Variants in FRMD5 observed in about 807,000 individuals in gnomAD.
FRMD5 encodes FERM domain-containing protein 5.
FRMD5 carries 20 observed loss-of-function variants against 69.0 expected under a neutral mutation model. The ratio of observed to expected loss-of-function variants is 0.29; its 90% CI spans 0.20 to 0.42. The LOEUF (loss-of-function observed/expected upper bound fraction) is 0.42, where lower values mean the gene tolerates loss of function less well. Ranked by LOEUF, FRMD5 falls within the 10% of genes least tolerant of loss-of-function variation. The probability of loss-of-function intolerance (pLI) is 1.00; values close to 1 mark genes in which losing one functional copy is unlikely to be tolerated. For synonymous variants in FRMD5, 271 were observed against 260.1 expected (o/e 1.04, Z -0.40); for missense variants, 595 against 708.6 (o/e 0.84, Z 1.82).
chr15:44,109,070 C>T (rs571741674), intron 1 of FRMD5, among the ~76,000 whole-genome samples: 2 of 152,050 alleles, frequency 1.3e-5, no homozygotes, highest in African/African-American at 4.8e-5. Context: ...TAGTGCCCGG[C>T]CCATAATATG....
intron 1 of FRMD5, among the ~76,000 whole-genome samples, chr15:44,040,992 C>CAAAAAAAAAAAA (rs71421819): frequency 5.7e-5 from 1 of 17,500 alleles, no homozygotes; most frequent in Non-Finnish European, 1.2e-4. Flanking sequence ...AAATGGAAAG[C>CAAAAAAAAAAAA]AAAAAAAAAA....
intron 13 of FRMD5, among the ~76,000 whole-genome samples, chr15:43,875,656 TGAGTA>T (rs1314119560): frequency 2.6e-5 from 4 of 151,726 alleles, no homozygotes; most frequent in Admixed American, 6.6e-5. Context: ...TTTTTTATTT[TGAGTA>T]GAGACGGGGT....
intron 8 of FRMD5, among the ~76,000 whole-genome samples, chr15:43,890,240 G>T (rs1247598136): frequency 1.3e-5 from 2 of 152,188 alleles, no homozygotes; most frequent in Non-Finnish European, 2.9e-5. Flanking sequence ...GGAAAGTAAG[G>T]AGTTTTATTT....
At position 44,079,081 on chromosome 15, in the gene FRMD5, T is replaced by A. The variant is rs185661663; in HGVS notation, c.102+115872A>T. ...TCCTATAACCCAATAACAAAAAACATCCCAATTAAAAAATAGGTAAAGGAC... is the reference window on the plus strand; with the variant it reads ...TCCTATAACCCAATAACAAAAAACAACCCAATTAAAAAATAGGTAAAGGAC... On this transcript the variant is annotated intron_variant, in intron 1 of 13. Transcript: ENST00000417257. Among the ~76,000 whole-genome samples the A allele has an allele frequency of 2.7e-4, 41 of 151,952 alleles. No homozygotes were observed. The East Asian group carries it at 7.7e-3, about 29-fold the overall frequency.
At chr15:44,095,278 C>T (rs2076535592) in intron 1 of FRMD5, among the ~76,000 whole-genome samples, 1 of 151,774 alleles carries the variant, frequency 6.6e-6, no homozygotes, top group South Asian at 2.1e-4. Flanking sequence ...CTGTGGTTCA[C>T]TGCACCCTCA....
chr15:44,044,226 A>G (rs1447426432), intron 1 of FRMD5, among the ~76,000 whole-genome samples: 1 of 152,222 alleles, frequency 6.6e-6, no homozygotes, highest in African/African-American at 2.4e-5. Flanking sequence ...ATGAGATACC[A>G]TCTCATGCCA....
chr15:43,980,379 T>G (rs1248022520), intron 1 of FRMD5, among the ~76,000 whole-genome samples: 1 of 152,236 alleles, frequency 6.6e-6, no homozygotes, highest in Non-Finnish European at 1.5e-5. Flanking sequence ...AAGTTAGTAC[T>G]AGGGAAAATA....
At chr15:43,878,281 ACAT>A (rs1476979943) in intron 13 of FRMD5, among the ~76,000 whole-genome samples, 1 of 152,152 alleles carries the variant, frequency 6.6e-6, no homozygotes, top group African/African-American at 2.4e-5. Flanking sequence ...GTTTAATTGT[ACAT>A]CATTTTGCTT....
chr15:43,871,420 C>G lies in FRMD5; in HGVS notation c.*2465G>C, dbSNP rs1321898270. ...AGGTCAGAGTTGAGGCTATCACTCA[C>G]TGCATAGAAACACCAGATTCTACAA... On this transcript the variant is annotated 3_prime_UTR_variant, in exon 14 of 14. Coordinates refer to ENST00000417257, the MANE Select transcript of FRMD5 (RefSeq NM_032892.5). 6.6e-6 allele frequency: 1 copy of G among 152,236 alleles called. No individual in the cohort carries two copies. The highest frequency in any genetic ancestry group is 2.4e-5 in the African/African-American group (1 of 41,458). 9.4% of individuals were successfully genotyped at this position (152,236 alleles called of 1,614,324 possible).
chr15:44,184,161 G>A (rs1005526089), intron 1 of FRMD5, among the ~76,000 whole-genome samples: 1 of 151,798 alleles, frequency 6.6e-6, no homozygotes, highest in Admixed American at 6.6e-5. Flanking sequence ...CTCTAACTTC[G>A]GCTGTCTAAA....
At chr15:43,959,980 C>T (rs960488087) in intron 1 of FRMD5, among the ~76,000 whole-genome samples, 11 of 152,154 alleles carry the variant, frequency 7.2e-5, no homozygotes, top group Admixed American at 2.6e-4. Flanking sequence ...TGCAATGGTG[C>T]GATCTCGGCT....
chr15:44,139,387 T>C (rs948610327), intron 1 of FRMD5, among the ~76,000 whole-genome samples: 57 of 151,632 alleles, frequency 3.8e-4, no homozygotes, highest in African/African-American at 1.4e-3. Context: ...AAAAATCTTA[T>C]TGAGAAGCCA....
intron 1 of FRMD5, among the ~76,000 whole-genome samples, chr15:44,050,770 G>A (rs948048510): frequency 1.3e-5 from 2 of 151,188 alleles, no homozygotes; most frequent in South Asian, 4.2e-4. Context: ...TGATTCTCCA[G>A]CCTCCACCAC....
chr15:44,088,472 G>A, intron 1 of FRMD5, among the ~76,000 whole-genome samples: 1 of 152,112 alleles, frequency 6.6e-6, no homozygotes, highest in Non-Finnish European at 1.5e-5. Flanking sequence ...AGTAATATCA[G>A]GACTTAGAAA....
intron 1 of FRMD5, among the ~76,000 whole-genome samples, chr15:44,066,387 G>A (rs1233581116): frequency 1.3e-5 from 2 of 152,192 alleles, no homozygotes; most frequent in African/African-American, 2.4e-5. Context: ...CGTTTACGAT[G>A]TGATAGGGAT....
intron 1 of FRMD5, among the ~76,000 whole-genome samples, chr15:44,024,373 AC>A (rs1238271646): frequency 1.3e-5 from 2 of 152,304 alleles, no homozygotes; most frequent in African/African-American, 4.8e-5. Context: ...AACCTTCACA[AC>A]ACCAGAGTGT....
In FRMD5 at chr15:43,905,813, T is replaced by C. The variant is rs1277516734; in HGVS notation, c.551+15A>G. 2 of 1,613,576 alleles carry C rather than the reference T, an allele frequency of 1.2e-6. No individual in the cohort carries two copies. Among genetic ancestry groups the C allele is most frequent in the South Asian group, 2.2e-5 (2 of 91,058 alleles). On this transcript the variant is annotated intron_variant, in intron 6 of 13. Coordinates refer to ENST00000417257, the MANE Select transcript of FRMD5 (RefSeq NM_032892.5). ...AGAAGCCACAATGTTCTGGGCCTGA[T>C]TAAGTGCCACGTACCTCAGTTCCGT... is the stretch of plus-strand genomic sequence containing the variant.
chr15:44,002,119 G>A (rs529132499), intron 1 of FRMD5, among the ~76,000 whole-genome samples: 1 of 152,170 alleles, frequency 6.6e-6, no homozygotes, highest in Non-Finnish European at 1.5e-5. Flanking sequence ...CAACTTTCTA[G>A]CACAATAAGA....
At chr15:44,029,151 T>C (rs1299127164) in intron 1 of FRMD5, among the ~76,000 whole-genome samples, 1 of 152,110 alleles carries the variant, frequency 6.6e-6, no homozygotes, top group Non-Finnish European at 1.5e-5. Context: ...GCAGGCTGAA[T>C]TGAAAAAACA....
Sources: allele counts gnomAD v4.1 joint callset (sites outside exome capture counted in the v4.1 genomes callset), GRCh38; gene constraint gnomAD v4.1.1; transcripts MANE v1.5; gene names NCBI Gene and HGNC (gene_info 2026-07-23, HGNC 2026-07-21).